The following PPM1K variants were observed in gnomAD, a reference collection of about 807,000 sequenced individuals.
The protein encoded by PPM1K is protein phosphatase Mn(2+)-dependent 1K.
A neutral mutation model predicts 32.6 loss-of-function variants in PPM1K; 19 were observed. The observed-to-expected ratio is 0.58, with a 90% CI of 0.41 to 0.86. PPM1K has a LOEUF of 0.86. PPM1K is among the 40% of genes least tolerant of loss of function. The probability of loss-of-function intolerance (pLI) is 0.00; values close to 1 mark genes in which losing one functional copy is unlikely to be tolerated. For synonymous variants in PPM1K, 159 were observed against 165.3 expected (o/e 0.96, Z 0.29); for missense variants, 362 against 461.2 (o/e 0.78, Z 1.97).
rs868751506 is a variant in PPM1K at position 88,262,328 on chromosome 4, C to G, written c.*267G>C. ...TCTTAAAAATTATTAATGTGACACT[C>G]TCATCTCTCATCAAGTGTATCCAAA... On this transcript the variant is annotated 3_prime_UTR_variant, in exon 7 of 7. Transcript: ENST00000608933. The G allele has an allele frequency of 4.5e-4, 113 of 249,078 alleles. No homozygotes were observed. Among genetic ancestry groups the G allele is most frequent in the African/African-American group, 2.5e-3 (110 of 44,766 alleles). 15.4% of individuals were successfully genotyped at this position (249,078 alleles called of 1,614,324 possible). A position where few individuals can be genotyped will look rare whatever the true frequency, so the allele number is the denominator to read the frequency against.
chr4:88,268,840 A>G lies in PPM1K; in HGVS notation c.608T>C (p.Val203Ala). Reference protein sequence around the residue: ...ALLRDGIELVVASVGDSRAIL... With the variant: ...ALLRDGIELVAASVGDSRAIL... ...AGCCCGGCTGTCCCCAACACTGGCT[A>G]CAACCAGTTCAATACCATCTCGCAA... The change falls in exon 4 of 7, where the codon GTA becomes GCA. Residue 203 changes from valine (V) to alanine (A), a missense_variant. Coordinates refer to ENST00000608933, the MANE Select transcript of PPM1K (RefSeq NM_152542.5). 6.2e-7 allele frequency: 1 copy of G among 1,613,950 alleles called. No homozygotes were observed. Among genetic ancestry groups the G allele is most frequent in the South Asian group, 1.1e-5 (1 of 91,080 alleles).
rs749274056 is a variant in PPM1K at position 88,268,197 on chromosome 4, C to G, written c.845G>C (p.Arg282Thr). 1 of 1,614,058 alleles carries G rather than the reference C, an allele frequency of 6.2e-7. No homozygotes were observed. The highest frequency in any genetic ancestry group is 1.1e-5 in the South Asian group (1 of 91,076). Residue 282 changes from arginine to threonine, a missense_variant, in exon 5 of 7, where the codon AGG (arginine) becomes ACG (threonine). Physicochemically the swap from Arg to Thr is moderately conservative, Grantham distance 71. Transcript: ENST00000608933. ...TTGCAGGTCCTTTCTTACCTTAATCCTCTTAGTTTCAGGTTCTGCTATGAC... is the reference window on the plus strand; with the variant it reads ...TTGCAGGTCCTTTCTTACCTTAATCGTCTTAGTTTCAGGTTCTGCTATGAC... ...SGVIAEPETK[R>T]IKLHHADDSF...
In PPM1K at chr4:88,276,437, A is replaced by G. The variant is rs1273523114; in HGVS notation, c.541+706T>C. ...AGATTTGGGACTAGCTAACTAGAAAACGTTTGCTGAATTTTCGTGAAATGG... is the reference window on the plus strand; with the variant it reads ...AGATTTGGGACTAGCTAACTAGAAAGCGTTTGCTGAATTTTCGTGAAATGG... On this transcript the variant is annotated intron_variant, in intron 3 of 6. Transcript: ENST00000608933. 4 of 985,302 alleles carry G rather than the reference A, an allele frequency of 4.1e-6. No homozygotes were observed. In the African/African-American group the frequency reaches 7.0e-5, roughly 17 times the overall value. 61.0% of individuals were successfully genotyped at this position (985,302 alleles called of 1,614,324 possible). A position where few individuals can be genotyped will look rare whatever the true frequency, so the allele number is the denominator to read the frequency against.
chr4:88,272,124 T>A (rs943110198), intron 3 of PPM1K, among the ~76,000 whole-genome samples: 2 of 152,124 alleles, frequency 1.3e-5, no homozygotes, highest in African/African-American at 4.8e-5. Flanking sequence ...TATAAACCAA[T>A]ACAGTTTCAA....
At chr4:88,270,179 T>C (rs998914745) in intron 3 of PPM1K, among the ~76,000 whole-genome samples, 2 of 152,186 alleles carry the variant, frequency 1.3e-5, no homozygotes, top group African/African-American at 4.8e-5. Flanking sequence ...TTTTGAAAAC[T>C]TCATCAGTAA....
chr4:88,273,937 C>T (rs1731663042), intron 3 of PPM1K, among the ~76,000 whole-genome samples: 1 of 152,166 alleles, frequency 6.6e-6, no homozygotes. Context: ...ATCTTTCATG[C>T]CCTATGTAAA....
intron 1 of PPM1K, among the ~76,000 whole-genome samples, chr4:88,281,394 A>C (rs776550498): frequency 3.9e-5 from 6 of 152,222 alleles, no homozygotes; most frequent in Non-Finnish European, 8.8e-5. Flanking sequence ...ATAATAAAAT[A>C]GAACTGCATT....
At chr4:88,271,446 C>T (rs987954051) in intron 3 of PPM1K, among the ~76,000 whole-genome samples, 2 of 152,054 alleles carry the variant, frequency 1.3e-5, no homozygotes, top group African/African-American at 4.8e-5. Flanking sequence ...GGTAACACTT[C>T]TTTCTTAATT....
chr4:88,271,506 G>GT (rs1448255313), intron 3 of PPM1K, among the ~76,000 whole-genome samples: 2 of 152,026 alleles, frequency 1.3e-5, no homozygotes, highest in African/African-American at 4.8e-5. Flanking sequence ...TCTGTACCAA[G>GT]ACACATAAAT....
In PPM1K at chr4:88,265,054, A is replaced by G; in HGVS notation, c.934T>C (p.Phe312Leu). ...FMVNSQEICD[F>L]VNQCHDPNEA... Reference sequence around the variant, plus strand: ...TTGGGATCATGGCACTGATTGACAAAGTCACAAATCTCTTGACTATTCACC... The same window carrying G: ...TTGGGATCATGGCACTGATTGACAAGGTCACAAATCTCTTGACTATTCACC... Residue 312 changes from phenylalanine to leucine, a missense_variant, in exon 6 of 7, where the codon TTT becomes CTT. Phe to Leu is a conservative substitution (Grantham distance 22). Transcript: ENST00000608933. The G allele has an allele frequency of 6.2e-7, 1 of 1,614,186 alleles. No individual in the cohort carries two copies. Among genetic ancestry groups the G allele is most frequent in the Non-Finnish European group, 8.5e-7 (1 of 1,180,030 alleles).
rs1191014834 is a variant in PPM1K, at chr4:88,260,710, A to G, written c.*1885T>C. 1 of 152,058 alleles carries G rather than the reference A, an allele frequency of 6.6e-6. No individual in the cohort carries two copies. Among genetic ancestry groups the G allele is most frequent in the Non-Finnish European group, 1.5e-5 (1 of 68,002 alleles). 9.4% of individuals were successfully genotyped at this position (152,058 alleles called of 1,614,324 possible). ...TCCAAAAAGGTAAGAAGATGTAAATATTTATATTGGGCCCTCTCCCTCCTC... is the reference window on the plus strand; with the variant it reads ...TCCAAAAAGGTAAGAAGATGTAAATGTTTATATTGGGCCCTCTCCCTCCTC... On this transcript the variant is annotated 3_prime_UTR_variant, in exon 7 of 7. Transcript: ENST00000608933.
At chr4:88,268,508 C>G (rs1304035633) in intron 4 of PPM1K, among the ~76,000 whole-genome samples, 174 bp from the exon 5 acceptor site, 1 of 152,136 alleles carries the variant, frequency 6.6e-6, no homozygotes, top group African/African-American at 2.4e-5. Flanking sequence ...GTAGTCCCAG[C>G]TACTCAGGAG....
At position 88,261,679 on chromosome 4, in the gene PPM1K, T is replaced by C. The variant is rs1578308898; in HGVS notation, c.*916A>G. On this transcript the variant is annotated 3_prime_UTR_variant, in exon 7 of 7. Transcript: ENST00000608933. ...TTTAGTAATGTCACATCATCTGAAT[T>C]AATTTCTTTTCTTTCTTTTTTTTTT... 1 of 151,476 alleles carries C rather than the reference T, an allele frequency of 6.6e-6. No individual in the cohort carries two copies. The highest frequency in any genetic ancestry group is 2.4e-5 in the African/African-American group (1 of 41,396). The allele number at this position is 151,476 out of a possible 1,614,324, so 9.4% of individuals were successfully genotyped here.
In PPM1K at chr4:88,258,369, G is replaced by A. The variant is rs563687722; in HGVS notation, c.*4226C>T. 6.6e-6 allele frequency: 1 copy of A among 151,996 alleles called. No individual in the cohort carries two copies. Among genetic ancestry groups the A allele is most frequent in the Non-Finnish European group, 1.5e-5 (1 of 67,960 alleles). The allele number at this position is 151,996 out of a possible 1,614,324, so 9.4% of individuals were successfully genotyped here. A position where few individuals can be genotyped will look rare whatever the true frequency, so the allele number is the denominator to read the frequency against. On this transcript the variant is annotated 3_prime_UTR_variant, in exon 7 of 7. Coordinates refer to ENST00000608933, the MANE Select transcript of PPM1K (RefSeq NM_152542.5). ...AAATAATTTCCTAGGAGGGCACAGTGCTGTAATCCCAGCAATTTGGGAGGC... is the reference window on the plus strand; with the variant it reads ...AAATAATTTCCTAGGAGGGCACAGTACTGTAATCCCAGCAATTTGGGAGGC...
intron 6 of PPM1K, among the ~76,000 whole-genome samples, chr4:88,263,288 C>T (rs1453654015): frequency 6.6e-6 from 1 of 152,080 alleles, no homozygotes; most frequent in African/African-American, 2.4e-5. Flanking sequence ...TTTGATTTTT[C>T]CATCTATCGA....
chr4:88,267,296 C>CTGGGTGCAGGTGATGCTGATTGCT (rs371233654), intron 5 of PPM1K, among the ~76,000 whole-genome samples: 7 of 129,498 alleles, frequency 5.4e-5, no homozygotes, highest in African/African-American at 1.5e-4. Flanking sequence ...TGCTGGCTGA[C>CTGGGTGCAGGTGATGCTGATTGCT]TGGGTGCAGG....
At chr4:88,275,766 T>C in intron 3 of PPM1K, 3 of 985,270 alleles carry the variant, frequency 3.0e-6, no homozygotes, top group Non-Finnish European at 3.6e-6. Flanking sequence ...CAGGAAGTAA[T>C]AAAAATAAAA....
intron 3 of PPM1K, among the ~76,000 whole-genome samples, chr4:88,272,500 T>C (rs1731604178): frequency 6.6e-6 from 1 of 152,240 alleles, no homozygotes; most frequent in Non-Finnish European, 1.5e-5. Flanking sequence ...GAAGAGCTTA[T>C]AGGAAATATA....
intron 3 of PPM1K, among the ~76,000 whole-genome samples, chr4:88,270,111 A>G (rs1002104174): frequency 2.6e-5 from 4 of 152,230 alleles, no homozygotes; most frequent in Admixed American, 2.0e-4. Context: ...AAGTGCTACT[A>G]ATTTGACTGA....
Sources: allele counts gnomAD v4.1 joint callset (sites outside exome capture counted in the v4.1 genomes callset), GRCh38; gene constraint gnomAD v4.1.1; transcripts MANE v1.5; gene names NCBI Gene and HGNC (gene_info 2026-07-23, HGNC 2026-07-21).